Variants in PTH2R observed in about 807,000 individuals in gnomAD.
PTH2R encodes the protein PTH2 receptor.
PTH2R carries 59 observed loss-of-function variants against 60.3 expected under a neutral mutation model. The observed-to-expected ratio is 0.98, with a 90% confidence interval of 0.79 to 1.22. PTH2R has a LOEUF of 1.22. Among genes scored for constraint, PTH2R ranks in the 50% most tolerant of loss-of-function variants. PTH2R has a pLI of 0.00. For synonymous variants in PTH2R, 256 were observed against 243.8 expected (o/e 1.05, Z -0.47); for missense variants, 749 against 682.6 (o/e 1.10, Z -1.08).
At chr2:208,453,560 C>A (rs1702450798) in intron 8 of PTH2R, among the ~76,000 whole-genome samples, 1 of 152,044 alleles carries the variant, frequency 6.6e-6, no homozygotes, top group Non-Finnish European at 1.5e-5. Context: ...AATGAAATTC[C>A]CTGTTTTACA....
intron 9 of PTH2R, among the ~76,000 whole-genome samples, chr2:208,475,206 T>C (rs1402373603): frequency 6.6e-6 from 1 of 152,234 alleles, no homozygotes; most frequent in Non-Finnish European, 1.5e-5. Context: ...AGGAGAACTT[T>C]TTTTTAAAGA....
chr2:208,439,610 T>C (rs1702143503), intron 4 of PTH2R, among the ~76,000 whole-genome samples: 1 of 152,158 alleles, frequency 6.6e-6, no homozygotes, highest in Non-Finnish European at 1.5e-5. Flanking sequence ...TTTTGAGCAC[T>C]ATTTTTTTCT....
intron 9 of PTH2R, chr2:208,466,446 G>A (rs1702753694): frequency 1.3e-5 from 2 of 152,436 alleles, no homozygotes; most frequent in East Asian, 1.9e-4. Flanking sequence ...TAGGAGAAAA[G>A]TTTATGGATT....
At chr2:208,438,021 A>ATCTGAAAAG in intron 4 of PTH2R, 140 bp downstream of exon 4, 2 of 1,172,116 alleles carry the variant, frequency 1.7e-6, no homozygotes, top group Non-Finnish European at 2.4e-6. Context: ...GCAATGTTGC[A>ATCTGAAAAG]ATCTTTTCAG....
At chr2:208,426,260 A>G (rs1025850220) in intron 1 of PTH2R, among the ~76,000 whole-genome samples, 5 of 152,230 alleles carry the variant, frequency 3.3e-5, no homozygotes, top group African/African-American at 1.2e-4. Context: ...TTTATTTCAA[A>G]TCATAAATGA....
In PTH2R at chr2:208,421,364, G is replaced by A. The variant is rs549583117; in HGVS notation, c.76-6837G>A. Among the ~76,000 whole-genome samples the A allele has an allele frequency of 2.0e-5, 3 of 150,656 alleles. No individual in the cohort carries two copies. In the South Asian group the frequency reaches 6.3e-4, roughly 32 times the overall value. ...AGAAGCCAAGACATTTTCATATTGG[G>A]GGTGTGTGTGTGTGTGTGTGTGTAG... On this transcript the variant is annotated intron_variant, in intron 1 of 12. Coordinates refer to ENST00000272847, the MANE Select transcript of PTH2R (RefSeq NM_005048.4).
At position 208,489,136 on chromosome 2, in the gene PTH2R, T is replaced by C. The variant is rs1263668594; in HGVS notation, c.1201T>C (p.Phe401Leu). ...GATCCGCATGCACTGTGAGCTCTTC[T>C]TCAACTCCTTTCAGGTAAAGGGTGC... ...WEIRMHCELF[F>L]NSFQGFFVSI... Residue 401 changes from phenylalanine to leucine, a missense_variant, in exon 11 of 13, where the codon TTC becomes CTC. Transcript: ENST00000272847. 5 of 1,614,012 alleles carry C rather than the reference T, an allele frequency of 3.1e-6. No individual in the cohort carries two copies. Among genetic ancestry groups the C allele is most frequent in the African/African-American group, 1.3e-5 (1 of 74,916 alleles).
chr2:208,390,227 T>A lies in PTH2R; in HGVS notation c.-259+29990T>A, dbSNP rs553784615. Among the ~76,000 whole-genome samples the A allele has an allele frequency of 2.6e-5, 4 of 152,322 alleles. No homozygotes were observed. In the East Asian group the frequency reaches 7.7e-4, roughly 29 times the overall value. On this transcript the variant is annotated intron_variant, in intron 1 of 12. Transcript: ENST00000617735. ...TTAAAGCAGAGGGAGACATTTGCTATTACTTGGTCAATTTTTCCCAGCCTG... is the reference window on the plus strand; with the variant it reads ...TTAAAGCAGAGGGAGACATTTGCTAATACTTGGTCAATTTTTCCCAGCCTG...
intron 9 of PTH2R, 58 bp from the exon 10 acceptor site, chr2:208,481,012 G>T (rs1703133855): frequency 4.0e-6 from 5 of 1,263,378 alleles, no homozygotes; most frequent in Non-Finnish European, 5.6e-6. Flanking sequence ...TTATGTAAAT[G>T]TTTATAAAAA....
chr2:208,490,560 G>A (rs111670866), intron 11 of PTH2R, 79 bp from the exon 12 acceptor site: 13 of 1,391,380 alleles, frequency 9.3e-6, no homozygotes, highest in East Asian at 4.7e-5. Flanking sequence ...ATTTTTGGAC[G>A]TACACATTTT....
intron 8 of PTH2R, among the ~76,000 whole-genome samples, chr2:208,452,127 A>G (rs536474716): frequency 3.9e-5 from 6 of 152,308 alleles, no homozygotes; most frequent in African/African-American, 1.4e-4. Flanking sequence ...GAGTGTGCTG[A>G]GAAGGAGCTC....
chr2:208,395,051 TTTA>T (rs1372621676), intron 1 of PTH2R, among the ~76,000 whole-genome samples: 3 of 151,860 alleles, frequency 2.0e-5, no homozygotes, highest in Non-Finnish European at 4.4e-5. Flanking sequence ...TCTTTTCTTT[TTTA>T]TTTTTTTTTT....
chr2:208,471,900 G>C (rs889323164), intron 9 of PTH2R, among the ~76,000 whole-genome samples: 2 of 152,254 alleles, frequency 1.3e-5, no homozygotes, highest in African/African-American at 4.8e-5. Context: ...GGCCATTGGA[G>C]CTTTCCTCTT....
At chr2:208,478,376 T>C (rs534709082) in intron 9 of PTH2R, among the ~76,000 whole-genome samples, 28 of 152,200 alleles carry the variant, frequency 1.8e-4, no homozygotes, top group African/African-American at 6.3e-4. Flanking sequence ...GGGGAGTCCT[T>C]ATCCTTTTCA....
chr2:208,372,153 C>A (rs1272719721), intron 1 of PTH2R, among the ~76,000 whole-genome samples: 2 of 152,080 alleles, frequency 1.3e-5, no homozygotes, highest in Non-Finnish European at 2.9e-5. Flanking sequence ...GAATTCCTAA[C>A]CTTGTGATTC....
At chr2:208,444,699 T>C (rs376283056) in intron 6 of PTH2R, 35 bp from the exon 7 acceptor site, 2 of 1,598,826 alleles carry the variant, frequency 1.3e-6, no homozygotes, top group Non-Finnish European at 8.5e-7. Context: ...AACAAAGTGT[T>C]CTAATATGAT....
chr2:208,399,654 G>C (rs1701271909), intron 1 of PTH2R, among the ~76,000 whole-genome samples: 1 of 152,066 alleles, frequency 6.6e-6, no homozygotes. Context: ...GAAGACCCCT[G>C]GAAGCTTGTT....
chr2:208,471,794 A>G (rs1221858977), intron 9 of PTH2R, among the ~76,000 whole-genome samples: 2 of 152,198 alleles, frequency 1.3e-5, no homozygotes, highest in African/African-American at 4.8e-5. Context: ...AACTTGCACC[A>G]TGTGCCTGGA....
chr2:208,465,688 C>A (rs1702734776), intron 9 of PTH2R, among the ~76,000 whole-genome samples: 2 of 152,036 alleles, frequency 1.3e-5, no homozygotes, highest in Non-Finnish European at 2.9e-5. Flanking sequence ...TAGGCATGAG[C>A]CACCGCAGGG....
Sources: gnomAD v4.1 joint callset for allele counts (sites outside exome capture counted in the v4.1 genomes callset) on GRCh38, gnomAD v4.1.1 for gene constraint, MANE v1.5 for transcripts, NCBI Gene and HGNC (gene_info 2026-07-23, HGNC 2026-07-21) for gene names.